Variants in DLC1 observed in about 807,000 individuals in gnomAD.
DLC1 encodes the protein DLC1 Rho GTPase activating protein, also known as rho GTPase-activating protein 7.
A neutral mutation model predicts 140.3 loss-of-function variants in DLC1; 54 were observed. The observed-to-expected ratio is 0.38, with a 90% CI of 0.31 to 0.48. The LOEUF is 0.48. Among genes scored for constraint, DLC1 ranks in the 20% least tolerant of loss-of-function variants. The probability of loss-of-function intolerance (pLI) is 0.96; values close to 1 mark genes in which losing one functional copy is unlikely to be tolerated. For synonymous variants in DLC1, 986 were observed against 728.1 expected (o/e 1.35, Z -5.70); for missense variants, 2,536 against 1,907.0 (o/e 1.33, Z -6.14).
chr8:13,112,080 G>A (rs1820164483), intron 6 of DLC1, among the ~76,000 whole-genome samples: 2 of 152,174 alleles, frequency 1.3e-5, no homozygotes, highest in African/African-American at 4.8e-5. Flanking sequence ...GAGCCCCAGA[G>A]TTTGAGGCTG....
At chr8:13,122,506 C>A (rs1377454123) in intron 5 of DLC1, among the ~76,000 whole-genome samples, 1 of 151,828 alleles carries the variant, frequency 6.6e-6, no homozygotes, top group African/African-American at 2.4e-5. Flanking sequence ...AAAAAAAAAT[C>A]TATTACTATT....
intron 5 of DLC1, 27 bp downstream of exon 5, chr8:13,305,242 G>A (rs767185189): frequency 2.5e-6 from 4 of 1,607,670 alleles, no homozygotes; most frequent in Non-Finnish European, 3.4e-6. Context: ...AGATTGGCGA[G>A]AAAACAGAAC....
intron 5 of DLC1, among the ~76,000 whole-genome samples, chr8:13,269,701 CAAAAAAAAAAAAAAA>C (rs57030004): frequency 2.0e-5 from 2 of 99,474 alleles, no homozygotes; most frequent in East Asian, 4.7e-4. Context: ...AAAACTCTGT[CAAAAAAAAAAAAAAA>C]AAAAAAAAAG....
intron 4 of DLC1, among the ~76,000 whole-genome samples, chr8:13,350,513 T>C (rs1052327456): frequency 2.0e-5 from 3 of 152,018 alleles, no homozygotes; most frequent in African/African-American, 7.2e-5. Context: ...GTCAGGAGTT[T>C]GAAACCAGCC....
At chr8:13,440,450 C>CTACA (rs1160784286) in intron 2 of DLC1, among the ~76,000 whole-genome samples, 1 of 152,062 alleles carries the variant, frequency 6.6e-6, no homozygotes, top group Non-Finnish European at 1.5e-5. Context: ...CCTTTATTAG[C>CTACA]TACATGTGTC....
intron 2 of DLC1, among the ~76,000 whole-genome samples, chr8:13,495,127 C>T (rs1379976857): frequency 1.3e-5 from 2 of 152,014 alleles, no homozygotes; most frequent in Admixed American, 1.3e-4. Context: ...TGGATTATTT[C>T]TTGTCTTATG....
At chr8:13,297,728 G>A (rs577669785) in intron 5 of DLC1, among the ~76,000 whole-genome samples, 4 of 152,274 alleles carry the variant, frequency 2.6e-5, no homozygotes, top group East Asian at 3.9e-4. Flanking sequence ...GAGCAGTCCT[G>A]TTTTAATTTT....
intron 2 of DLC1, among the ~76,000 whole-genome samples, chr8:13,443,594 C>G (rs912871123): frequency 6.9e-6 from 1 of 145,636 alleles, no homozygotes; most frequent in Admixed American, 7.2e-5. Flanking sequence ...AGAGGCGGAG[C>G]TTGCAGTGAG....
At position 13,149,528 on chromosome 8, in the gene DLC1, T is replaced by C. The variant is rs1823661254; in HGVS notation, c.1349-33871A>G. Among the ~76,000 whole-genome samples, 3 of 152,340 alleles carry C rather than the reference T, an allele frequency of 2.0e-5. 1 individual carries two copies. The Middle Eastern group carries it at 0.01, about 518-fold the overall frequency. On this transcript the variant is annotated intron_variant, in intron 5 of 17. Coordinates refer to ENST00000276297, the MANE Select transcript of DLC1 (RefSeq NM_182643.3). ...ATAGTATTTGCCCTCTCTGTGTCTA[T>C]TCCTCATCTCAGTCTATAAAATCTG... is the stretch of plus-strand genomic sequence containing the variant.
At chr8:13,563,067 G>C (rs1367485115) in intron 1 of DLC1, among the ~76,000 whole-genome samples, 1 of 152,140 alleles carries the variant, frequency 6.6e-6, no homozygotes, top group Admixed American at 6.5e-5. Context: ...GGAACGTAAT[G>C]GCAAGAACAG....
In DLC1 at chr8:13,084,186, G is replaced by A. The variant is rs1218285207; in HGVS notation, c.*1625C>T. 1 of 152,448 alleles carries A rather than the reference G, an allele frequency of 6.6e-6. No individual in the cohort carries two copies. The highest frequency in any genetic ancestry group is 1.5e-5 in the Non-Finnish European group (1 of 68,006). The allele number at this position is 152,448 out of a possible 1,614,324, so 9.4% of individuals were successfully genotyped here. A position where few individuals can be genotyped will look rare whatever the true frequency, so the allele number is the denominator to read the frequency against. On this transcript the variant is annotated 3_prime_UTR_variant, in exon 18 of 18. Transcript: ENST00000276297. ...AGTGGACATGTTTCTTAATAGAATG[G>A]TATATACAACATACAATCTTACAAA...
At chr8:13,544,646 C>A (rs1212804954) in intron 1 of DLC1, among the ~76,000 whole-genome samples, 1 of 152,098 alleles carries the variant, frequency 6.6e-6, no homozygotes, top group Non-Finnish European at 1.5e-5. Flanking sequence ...TTAGCACAGT[C>A]TAATAGCCTG....
chr8:13,474,626 C>T (rs1260608119), intron 2 of DLC1, among the ~76,000 whole-genome samples: 1 of 152,202 alleles, frequency 6.6e-6, no homozygotes, highest in Non-Finnish European at 1.5e-5. Flanking sequence ...TGCAAAGCCA[C>T]ATGGGCGGAG....
intron 5 of DLC1, among the ~76,000 whole-genome samples, chr8:13,161,911 T>A (rs1457417434): frequency 6.6e-6 from 1 of 152,256 alleles, no homozygotes; most frequent in Non-Finnish European, 1.5e-5. Context: ...TACTCAGATA[T>A]GTACACATTT....
intron 4 of DLC1, among the ~76,000 whole-genome samples, chr8:13,375,971 G>T (rs1422876590): frequency 2.0e-5 from 3 of 152,134 alleles, no homozygotes; most frequent in African/African-American, 7.2e-5. Context: ...AGAGTGACTT[G>T]TAGATTTTCA....
At chr8:13,408,945 C>T (rs530517565) in intron 2 of DLC1, among the ~76,000 whole-genome samples, 232 of 152,170 alleles carry the variant, frequency 1.5e-3, no homozygotes, top group Non-Finnish European at 2.4e-3. Context: ...GATGATCCTT[C>T]CTTTGCCATG....
chr8:13,391,723 T>C (rs1283640056), intron 4 of DLC1, among the ~76,000 whole-genome samples: 1 of 152,194 alleles, frequency 6.6e-6, no homozygotes, highest in African/African-American at 2.4e-5. Context: ...CTCATTGTTA[T>C]GAATTATGAG....
At chr8:13,249,285 C>A (rs980282271) in intron 5 of DLC1, among the ~76,000 whole-genome samples, 1 of 152,134 alleles carries the variant, frequency 6.6e-6, no homozygotes, top group Non-Finnish European at 1.5e-5. Context: ...ACCATGTCGG[C>A]CAGGCTGGTC....
intron 1 of DLC1, among the ~76,000 whole-genome samples, chr8:13,569,414 A>G (rs1054147255): frequency 6.6e-6 from 1 of 152,190 alleles, no homozygotes; most frequent in Non-Finnish European, 1.5e-5. Context: ...GTCATTCTAA[A>G]TGGAAAATAA....
Sources: allele counts gnomAD v4.1 joint callset (sites outside exome capture counted in the v4.1 genomes callset), GRCh38; gene constraint gnomAD v4.1.1; transcripts MANE v1.5; gene names NCBI Gene and HGNC (gene_info 2026-07-23, HGNC 2026-07-21).